Variants in TYRP1 observed in about 807,000 individuals in gnomAD.
TYRP1 encodes the protein tyrosinase related protein 1.
In TYRP1, 49 loss-of-function variants were observed where a neutral mutation model predicts 42.8. The ratio of observed to expected loss-of-function variants is 1.14; its 90% CI spans 0.91 to 1.45. The LOEUF is 1.45. TYRP1 is among the 40% of genes most tolerant of loss of function. The probability of loss-of-function intolerance (pLI) is 0.00; values close to 1 mark genes in which losing one functional copy is unlikely to be tolerated. For synonymous variants in TYRP1, 279 were observed against 235.4 expected (o/e 1.19, Z -1.69); for missense variants, 848 against 662.0 (o/e 1.28, Z -3.08).
chr9:12,706,808 A>C (rs1818266205), intron 6 of TYRP1, among the ~76,000 whole-genome samples: 1 of 152,050 alleles, frequency 6.6e-6, no homozygotes, highest in Non-Finnish European at 1.5e-5. Flanking sequence ...GTAAAGCAAG[A>C]GTCTTGTTTA....
Position 12,699,983 on chromosome 9 carries a change from G to C in TYRP1, c.913+1328G>C, listed in dbSNP as rs553655862. On this transcript the variant is annotated intron_variant, in intron 4 of 7. Coordinates refer to ENST00000388918, the MANE Select transcript of TYRP1 (RefSeq NM_000550.3). ...TTAATATAACAAGTCTCCTAACTCAGACACATAGTCTCATGACAAATTGAA... is the reference window on the plus strand; with the variant it reads ...TTAATATAACAAGTCTCCTAACTCACACACATAGTCTCATGACAAATTGAA... The C allele has an allele frequency of 2.0e-5, 3 of 152,112 alleles. No individual in the cohort carries two copies. In the East Asian group the frequency reaches 5.8e-4, roughly 29 times the overall value. The allele number at this position is 152,112 out of a possible 1,614,324, so 9.4% of individuals were successfully genotyped here.
intron 7 of TYRP1, 62 bp from the exon 8 acceptor site, chr9:12,708,915 C>A: frequency 7.0e-7 from 1 of 1,419,768 alleles, no homozygotes; most frequent in East Asian, 2.4e-5. Context: ...TTCATCTGTC[C>A]ACTTTTTGGT....
At chr9:12,701,142 T>G (rs998094159) in intron 4 of TYRP1, among the ~76,000 whole-genome samples, 2 of 151,902 alleles carry the variant, frequency 1.3e-5, no homozygotes, top group Non-Finnish European at 2.9e-5. Flanking sequence ...TCACCTCTCC[T>G]CCCACCCATC....
In TYRP1 at chr9:12,698,603, A is replaced by T; in HGVS notation, c.861A>T (p.Arg287=). 6.2e-7 allele frequency: 1 copy of T among 1,613,790 alleles called. No individual in the cohort carries two copies. Among genetic ancestry groups the T allele is most frequent in the Non-Finnish European group, 8.5e-7 (1 of 1,179,790 alleles). The change falls in exon 4 of 8, where the codon CGA becomes CGT. Residue 287 remains arginine (R), a synonymous_variant. Transcript: ENST00000388918. The stretch of plus-strand genomic sequence containing the variant: ...CAAACTCTGTCTTTTCTCAATGGCG[A>T]GTGGTCTGTGACTCCTTGGAAGATT... ...ISPNSVFSQW[R]VVCDSLEDYD... is the part of the protein sequence containing the mutation.
chr9:12,697,439 A>T (rs1818095414), intron 3 of TYRP1, among the ~76,000 whole-genome samples: 1 of 152,130 alleles, frequency 6.6e-6, no homozygotes, highest in African/African-American at 2.4e-5. Flanking sequence ...GATGGCTTCT[A>T]AAGGAGGACT....
In TYRP1 at chr9:12,695,704, A is replaced by G. The variant is rs1197795997; in HGVS notation, c.575A>G (p.His192Arg). 9 of 1,614,072 alleles carry G rather than the reference A, an allele frequency of 5.6e-6. No individual in the cohort carries two copies. The highest frequency in any genetic ancestry group is 7.6e-6 in the Non-Finnish European group (9 of 1,180,042). ...ATTTATAACTACTTTGTTTGGACAC[A>G]CTATTACTCAGTCAAAAAGACTTTC... ...ISIYNYFVWT[H>R]YYSVKKTFLG... Residue 192 changes from histidine to arginine, a missense_variant, in exon 3 of 8, where the codon CAC becomes CGC. His to Arg is a conservative substitution (Grantham distance 29). Transcript: ENST00000388918.
In TYRP1 at chr9:12,702,327, G is replaced by T; in HGVS notation, c.970G>T (p.Val324Leu). 1 of 1,613,218 alleles carries T rather than the reference G, an allele frequency of 6.2e-7. No individual in the cohort carries two copies. Among genetic ancestry groups the T allele is most frequent in the Non-Finnish European group, 8.5e-7 (1 of 1,179,510 alleles). The change falls in exon 5 of 8, where the codon GTG (valine) becomes TTG (leucine). Residue 324 changes from valine (V) to leucine (L), a missense_variant. Physicochemically the swap from Val to Leu is conservative, Grantham distance 32. Transcript: ENST00000388918. ...NPAGNVARPM[V>L]QRLPEPQDVA... ...AGCTGGAAATGTGGCCAGACCAATG[G>T]TGCAACGTCTTCCTGAACCACAGGA...
chr9:12,694,407 T>G (rs1287882443), intron 2 of TYRP1, 26 bp downstream of exon 2: 2 of 1,612,964 alleles, frequency 1.2e-6, no homozygotes, highest in South Asian at 2.2e-5. Flanking sequence ...AATGAGTTCA[T>G]AAGTCCTGCA....
At chr9:12,698,864 A>G (rs985893125) in intron 4 of TYRP1, among the ~76,000 whole-genome samples, 1 of 152,070 alleles carries the variant, frequency 6.6e-6, no homozygotes, top group African/African-American at 2.4e-5. Context: ...GTGCCTACAC[A>G]TTTTTACACT....
In TYRP1 at chr9:12,709,458, T is replaced by A. The variant is rs1818320944; in HGVS notation, c.*276T>A. The A allele has an allele frequency of 2.6e-6, 1 of 391,768 alleles. No homozygotes were observed. 24.3% of individuals were successfully genotyped at this position (391,768 alleles called of 1,614,324 possible). A position where few individuals can be genotyped will look rare whatever the true frequency, so the allele number is the denominator to read the frequency against. On this transcript the variant is annotated 3_prime_UTR_variant, in exon 8 of 8. Coordinates refer to ENST00000388918, the MANE Select transcript of TYRP1 (RefSeq NM_000550.3). ...GAAGATCTTTGGCATGATTTAAAGG[T>A]TGAGTATGTGAAGATATAAGTAAGT...
At chr9:12,696,234 A>G (rs1166867935) in intron 3 of TYRP1, among the ~76,000 whole-genome samples, 2 of 152,200 alleles carry the variant, frequency 1.3e-5, no homozygotes, top group Non-Finnish European at 2.9e-5. Flanking sequence ...AGACTTCTCA[A>G]TCTTTCCAGT....
At chr9:12,705,392 A>G (rs1479196127) in intron 6 of TYRP1, among the ~76,000 whole-genome samples, 1 of 152,056 alleles carries the variant, frequency 6.6e-6, no homozygotes, top group East Asian at 1.9e-4. Context: ...CCTTTAGCTC[A>G]TAACGCACAT....
chr9:12,703,883 ATGTGTG>A (rs58360847), intron 5 of TYRP1, among the ~76,000 whole-genome samples: 1 of 143,430 alleles, frequency 7.0e-6, no homozygotes. Context: ...ATATATATAT[ATGTGTG>A]TGTGTGTGTG....
rs760620002 is a variant in TYRP1 at position 12,709,019 on chromosome 9, T to G, written c.1451T>G (p.Val484Gly). The G allele has an allele frequency of 5.0e-5, 81 of 1,612,826 alleles. No individual in the cohort carries two copies. The highest frequency in any genetic ancestry group is 6.8e-5 in the Non-Finnish European group (80 of 1,179,232). Residue 484 changes from valine (V) to glycine (G), a missense_variant, in exon 8 of 8, where the codon GTT becomes GGT. Transcript: ENST00000388918. Reference protein sequence around the residue: ...SVPEIIAIAVVGALLLVALIF... With the variant: ...SVPEIIAIAVGGALLLVALIF... ...CCTGAGATAATTGCCATAGCAGTAG[T>G]TGGCGCTTTGTTACTGGTTGCACTC... is the stretch of plus-strand genomic sequence containing the variant.
rs1333696988 is a variant in TYRP1 at position 12,695,175 on chromosome 9, G to T, written c.386-340G>T. 5.3e-5 allele frequency among the ~76,000 whole-genome samples: 8 copies of T among 152,028 alleles called. No homozygotes were observed. The East Asian group carries it at 1.5e-3, about 29-fold the overall frequency. ...TATGTTATATCACCTAATTTTCAAAGATTTATAATGTTAAAAAGACAGAAA... is the reference window on the plus strand; with the variant it reads ...TATGTTATATCACCTAATTTTCAAATATTTATAATGTTAAAAAGACAGAAA... On this transcript the variant is annotated intron_variant, in intron 2 of 7. Coordinates refer to ENST00000388918, the MANE Select transcript of TYRP1 (RefSeq NM_000550.3).
chr9:12,703,367 A>G (rs1384354348), intron 5 of TYRP1, among the ~76,000 whole-genome samples: 6 of 151,868 alleles, frequency 4.0e-5, no homozygotes, highest in African/African-American at 1.5e-4. Context: ...ATATTAACCT[A>G]TTTTTGATCA....
chr9:12,706,762 A>G (rs1818265276), intron 6 of TYRP1, among the ~76,000 whole-genome samples: 1 of 152,038 alleles, frequency 6.6e-6, no homozygotes, highest in Non-Finnish European at 1.5e-5. Context: ...AGAGAAAGAA[A>G]AATTAGAAAG....
At chr9:12,706,130 A>T (rs950329574) in intron 6 of TYRP1, among the ~76,000 whole-genome samples, 1 of 152,034 alleles carries the variant, frequency 6.6e-6, no homozygotes, top group African/African-American at 2.4e-5. Context: ...TACTTTTATT[A>T]CAGTAATGAG....
chr9:12,705,751 G>A (rs1039115848), intron 6 of TYRP1, among the ~76,000 whole-genome samples: 1 of 151,960 alleles, frequency 6.6e-6, no homozygotes, highest in Non-Finnish European at 1.5e-5. Flanking sequence ...GGAGGCTGAG[G>A]CAGGAGAATC....
Sources: gnomAD v4.1 joint callset for allele counts (sites outside exome capture counted in the v4.1 genomes callset) on GRCh38, gnomAD v4.1.1 for gene constraint, MANE v1.5 for transcripts, NCBI Gene and HGNC (gene_info 2026-07-23, HGNC 2026-07-21) for gene names.